Variants in ARHGEF12 observed in about 807,000 individuals in gnomAD.
ARHGEF12 encodes KMT2A/ARHGEF12 fusion protein.
ARHGEF12 carries 66 observed loss-of-function variants against 211.2 expected under a neutral mutation model. The ratio of observed to expected loss-of-function variants is 0.31; its 90% confidence interval spans 0.26 to 0.38. The LOEUF is 0.38. Among genes scored for constraint, ARHGEF12 ranks in the 10% least tolerant of loss-of-function variants. The probability of loss-of-function intolerance (pLI) is 1.00; values close to 1 mark genes in which losing one functional copy is unlikely to be tolerated. For missense variants in ARHGEF12, 1,429 were observed against 1,869.5 expected, an observed-to-expected ratio of 0.76 and a Z score of 4.34; for synonymous variants, 592 against 638.4, an observed-to-expected ratio of 0.93 and a Z score of 1.09.
intron 15 of ARHGEF12, among the ~76,000 whole-genome samples, chr11:120,444,518 G>A (rs890577813): frequency 7.9e-5 from 12 of 152,234 alleles, no homozygotes; most frequent in African/African-American, 2.9e-4. Context: ...CAAAGAGAAA[G>A]TTTTAAAATC....
intron 1 of ARHGEF12, among the ~76,000 whole-genome samples, chr11:120,368,724 T>A (rs1436148050): frequency 6.6e-6 from 1 of 152,188 alleles, no homozygotes; most frequent in African/African-American, 2.4e-5. Flanking sequence ...TTTATTTTTT[T>A]AATTTTAATT....
In ARHGEF12 at chr11:120,429,360, A is replaced by G. The variant is rs12294024; in HGVS notation, c.586-80A>G. Reference sequence around the variant, plus strand: ...AATTGGAGCCGAGGCAGAACTTTGTATGCCACATTTTCTCTATTTATTTTA... The same window carrying G: ...AATTGGAGCCGAGGCAGAACTTTGTGTGCCACATTTTCTCTATTTATTTTA... On this transcript the variant is annotated intron_variant, in intron 8 of 40. Coordinates refer to ENST00000397843, the MANE Select transcript of ARHGEF12 (RefSeq NM_015313.3). The G allele has an allele frequency of 1.3e-3, 1,561 of 1,188,468 alleles. 15 individuals carry two copies. The African/African-American group carries it at 0.022, about 17-fold the overall frequency. The allele number at this position is 1,188,468 out of a possible 1,614,324, so 73.6% of individuals were successfully genotyped here. A position where few individuals can be genotyped will look rare whatever the true frequency, so the allele number is the denominator to read the frequency against.
intron 15 of ARHGEF12, among the ~76,000 whole-genome samples, chr11:120,442,719 T>G (rs1192286488): frequency 6.6e-6 from 1 of 152,126 alleles, no homozygotes; most frequent in Non-Finnish European, 1.5e-5. Context: ...AGTAGTAAGT[T>G]TTATTATTAG....
chr11:120,469,408 A>G lies in ARHGEF12; in HGVS notation c.2955+20A>G. 6.4e-7 allele frequency: 1 copy of G among 1,572,840 alleles called. No individual in the cohort carries two copies. Among genetic ancestry groups the G allele is most frequent in the Non-Finnish European group, 8.7e-7 (1 of 1,146,368 alleles). On this transcript the variant is annotated intron_variant, in intron 30 of 40. Coordinates refer to ENST00000397843, the MANE Select transcript of ARHGEF12 (RefSeq NM_015313.3). Reference sequence around the variant, plus strand: ...AAGCAGGTAAAAAAGGAAAACAAGAAGGTACAGGATGACATTGGGAGAACA... The same window carrying G: ...AAGCAGGTAAAAAAGGAAAACAAGAGGGTACAGGATGACATTGGGAGAACA...
chr11:120,459,867 C>A (rs1442855905), intron 26 of ARHGEF12, among the ~76,000 whole-genome samples: 1 of 152,124 alleles, frequency 6.6e-6, no homozygotes, highest in Non-Finnish European at 1.5e-5. Flanking sequence ...CGCCACCACA[C>A]CCAGCTAATT....
intron 7 of ARHGEF12, among the ~76,000 whole-genome samples, chr11:120,426,290 G>A (rs1000381157): frequency 6.6e-6 from 1 of 152,084 alleles, no homozygotes; most frequent in Non-Finnish European, 1.5e-5. Flanking sequence ...GCTCATTCCA[G>A]TATAAATTTT....
chr11:120,488,776 TA>T lies in ARHGEF12; in HGVS notation c.*3705del. The stretch of plus-strand genomic sequence containing the variant: ...TGTACTCTTTAACAGAAATTGCTTT[TA>T]AAAAATATCTGGAACTATCTTTAAA... On this transcript the variant is annotated 3_prime_UTR_variant, in exon 41 of 41. Transcript: ENST00000397843. The T allele has an allele frequency of 1.4e-5, 3 of 213,078 alleles. No individual in the cohort carries two copies. Among genetic ancestry groups the T allele is most frequent in the Non-Finnish European group, 2.9e-5 (3 of 105,090 alleles). The allele number at this position is 213,078 out of a possible 1,614,324, so 13.2% of individuals were successfully genotyped here.
intron 37 of ARHGEF12, 65 bp downstream of exon 37, chr11:120,478,454 A>T: frequency 2.2e-6 from 3 of 1,390,516 alleles, no homozygotes; most frequent in South Asian, 2.5e-5. Context: ...CCATCCCTAA[A>T]GTATGTGGAT....
intron 4 of ARHGEF12, among the ~76,000 whole-genome samples, chr11:120,416,314 A>G (rs1945025471): frequency 6.6e-6 from 1 of 152,142 alleles, no homozygotes; most frequent in Non-Finnish European, 1.5e-5. Context: ...AGGTTCTGAG[A>G]TAAGATTGTG....
intron 12 of ARHGEF12, chr11:120,439,904 C>T: frequency 2.1e-6 from 1 of 465,700 alleles, no homozygotes; most frequent in South Asian, 3.4e-5. Context: ...TGGTTTTTTC[C>T]CCCCAAAAAA....
intron 30 of ARHGEF12, 144 bp downstream of exon 30, chr11:120,469,532 G>A (rs1946806192): frequency 2.9e-6 from 2 of 700,906 alleles, no homozygotes; most frequent in Non-Finnish European, 4.6e-6. Flanking sequence ...TAGTAGGCAG[G>A]TCAAGATCAA....
chr11:120,376,015 C>T (rs1020939015), intron 1 of ARHGEF12, among the ~76,000 whole-genome samples: 10 of 152,114 alleles, frequency 6.6e-5, no homozygotes, highest in African/African-American at 9.7e-5. Flanking sequence ...TTCATCAACT[C>T]ATGCCAAGGG....
At chr11:120,443,754 C>T (rs1435243656) in intron 15 of ARHGEF12, among the ~76,000 whole-genome samples, 1 of 151,986 alleles carries the variant, frequency 6.6e-6, no homozygotes, top group African/African-American at 2.4e-5. Flanking sequence ...TTCAACTAAC[C>T]ATGGTTGAAA....
At chr11:120,424,444 T>C in intron 7 of ARHGEF12, 29 bp downstream of exon 7, 2 of 1,603,086 alleles carry the variant, frequency 1.2e-6, no homozygotes, top group Non-Finnish European at 1.7e-6. Flanking sequence ...TAGTTTTAAT[T>C]GTTTTCTGAA....
In ARHGEF12 at chr11:120,481,292, G is replaced by T; in HGVS notation, c.4270G>T (p.Val1424Leu). The T allele has an allele frequency of 6.2e-7, 1 of 1,614,130 alleles. No individual in the cohort carries two copies. ...TTTGATCCTTGATGGCTATGACCCAGTGCAGGAGAGTTCCACAGATGAGGA... is the reference window on the plus strand; with the variant it reads ...TTTGATCCTTGATGGCTATGACCCATTGCAGGAGAGTTCCACAGATGAGGA... ...NYLILDGYDP[V>L]QESSTDEEVA... The change falls in exon 39 of 41, where the codon GTG (valine) becomes TTG (leucine). Residue 1424 changes from valine to leucine, a missense_variant. Val to Leu is a conservative substitution (Grantham distance 32). This residue lies in a region of ARHGEF12 where 467 missense variants were observed against 468.4 expected (regional missense o/e 1.00). Transcript: ENST00000397843.
chr11:120,429,127 T>C (rs943152686), intron 8 of ARHGEF12, among the ~76,000 whole-genome samples: 1 of 152,158 alleles, frequency 6.6e-6, no homozygotes, highest in Admixed American at 6.6e-5. Flanking sequence ...TGGGGATCGA[T>C]AGTAAAGATC....
At chr11:120,430,382 C>A (rs1945489170) in intron 10 of ARHGEF12, among the ~76,000 whole-genome samples, 1 of 152,042 alleles carries the variant, frequency 6.6e-6, no homozygotes, top group Admixed American at 6.6e-5. Flanking sequence ...AACTGGAATT[C>A]AAACCCAGTC....
In ARHGEF12 at chr11:120,481,438, C is replaced by A. The variant is rs569473564; in HGVS notation, c.4416C>A (p.Pro1472=). The A allele has an allele frequency of 5.0e-6, 8 of 1,614,198 alleles. No homozygotes were observed. The highest frequency in any genetic ancestry group is 6.8e-6 in the Non-Finnish European group (8 of 1,180,040). Residue 1472 remains proline, a synonymous_variant, in exon 39 of 41, where the codon CCC becomes CCA. Transcript: ENST00000397843. ...HSDGAISPFT[P]EFLVQQRWGA... ...ATGGGGCAATTTCACCATTCACCCC[C>A]GAATTTCTGGTCCAGCAGCGCTGGG...
At chr11:120,432,358 G>C (rs1857642845) in intron 11 of ARHGEF12, among the ~76,000 whole-genome samples, 1 of 152,178 alleles carries the variant, frequency 6.6e-6, no homozygotes, top group African/African-American at 2.4e-5. Flanking sequence ...AATAGCCCAG[G>C]TTTAGTGACA....
Sources: gnomAD v4.1 joint callset for allele counts (sites outside exome capture counted in the v4.1 genomes callset) on GRCh38, gnomAD v4.1.1 for gene constraint, gnomAD v4.1.1 regional missense constraint, MANE v1.5 for transcripts, NCBI Gene and HGNC (gene_info 2026-07-23, HGNC 2026-07-21) for gene names.